The following INCENP variants were observed in gnomAD, a reference collection of about 807,000 sequenced individuals.
The protein encoded by INCENP is binds and activates aurora-B and -C in vivo and in vitro.
Under a neutral mutation model 107.3 loss-of-function variants are expected in INCENP, and 43 were observed. The observed-to-expected ratio is 0.40, with a 90% CI of 0.31 to 0.52. The LOEUF is 0.52. Among genes scored for constraint, INCENP ranks in the 20% least tolerant of loss-of-function variants. The pLI, the probability that INCENP is intolerant of heterozygous loss-of-function variation, is 0.53. For missense variants in INCENP, 1,089 were observed against 1,250.9 expected (o/e 0.87, Z 1.95); for synonymous variants, 488 against 494.4 (o/e 0.99, Z 0.17).
rs1226470646 is a variant in INCENP, at chr11:62,152,100, G to T, written c.*124G>T. ...GCCATTGTGGAGGGCTTGGCCAGGT[G>T]TATATAAACGTCCTCTGTGCTGGGT... On this transcript the variant is annotated 3_prime_UTR_variant, in exon 19 of 19. Transcript: ENST00000394818. The T allele has an allele frequency of 8.9e-6, 4 of 451,150 alleles. No homozygotes were observed. In the East Asian group the frequency reaches 2.2e-4, roughly 25 times the overall value. 27.9% of individuals were successfully genotyped at this position (451,150 alleles called of 1,614,324 possible).
chr11:62,145,755 C>G lies in INCENP; in HGVS notation c.1959+4C>G, dbSNP rs777832125. The G allele has an allele frequency of 5.9e-5, 92 of 1,550,730 alleles. No homozygotes were observed. The highest frequency in any genetic ancestry group is 7.9e-5 in the Non-Finnish European group (91 of 1,147,184). Reference sequence around the variant, plus strand: ...TAGGCTCAGGTGGCTGCAGCAGGTGCGAGCACAGGTGGGCCTCAGGGAGGA... The same window carrying G: ...TAGGCTCAGGTGGCTGCAGCAGGTGGGAGCACAGGTGGGCCTCAGGGAGGA... On this transcript the variant is annotated splice_donor_region_variant and intron_variant, in intron 14 of 18. Transcript: ENST00000394818.
intron 11 of INCENP, 100 bp downstream of exon 11, chr11:62,141,611 C>T: frequency 6.9e-7 from 1 of 1,454,272 alleles, no homozygotes; most frequent in East Asian, 2.3e-5. Flanking sequence ...GATGCACTAA[C>T]ATTGTAAGCG....
At chr11:62,135,339 C>T (rs995980997) in intron 4 of INCENP, among the ~76,000 whole-genome samples, 8 of 152,084 alleles carry the variant, frequency 5.3e-5, no homozygotes, top group Admixed American at 2.0e-4. Flanking sequence ...GCGATCTCAG[C>T]TCACTGCAAC....
In INCENP at chr11:62,148,831, G is replaced by T. The variant is rs1565103248; in HGVS notation, c.2376G>T (p.Val792=). The change falls in exon 17 of 19, where the codon GTG becomes GTT. Residue 792 remains valine, a synonymous_variant. Transcript: ENST00000394818. Reference sequence around the variant, plus strand: ...CAGGGGCCAGCAAGGCCCTGAATGTGACTGTGGACGTGCAGGTGCCACCTG... The same window carrying T: ...CAGGGGCCAGCAAGGCCCTGAATGTTACTGTGGACGTGCAGGTGCCACCTG... The part of the protein sequence containing the change: ...EAAGASKALN[V]TVDVQSPACT... The T allele has an allele frequency of 2.5e-6, 4 of 1,606,470 alleles. No homozygotes were observed. The South Asian group carries it at 3.3e-5, about 13-fold the overall frequency.
At chr11:62,135,418 C>T (rs1201649942) in intron 4 of INCENP, among the ~76,000 whole-genome samples, 3 of 152,018 alleles carry the variant, frequency 2.0e-5, no homozygotes, top group African/African-American at 4.8e-5. Context: ...AGGTGCCCAC[C>T]GACGCCCGGA....
At chr11:62,127,904 G>T (rs1391553611) in intron 1 of INCENP, among the ~76,000 whole-genome samples, 2 of 152,176 alleles carry the variant, frequency 1.3e-5, no homozygotes, top group Non-Finnish European at 2.9e-5. Flanking sequence ...CATGCTGGCG[G>T]GGGGGTGGGG....
intron 11 of INCENP, among the ~76,000 whole-genome samples, chr11:62,143,301 G>A (rs886604643): frequency 1.3e-5 from 2 of 152,130 alleles, no homozygotes; most frequent in African/African-American, 4.8e-5. Context: ...ACAAAAATGG[G>A]ATTTCTGCCT....
At chr11:62,126,859 A>G (rs1943761808) in intron 1 of INCENP, among the ~76,000 whole-genome samples, 1 of 152,188 alleles carries the variant, frequency 6.6e-6, no homozygotes, top group Non-Finnish European at 1.5e-5. Flanking sequence ...GTTATACTGT[A>G]TTATTAGGGA....
intron 4 of INCENP, among the ~76,000 whole-genome samples, chr11:62,131,381 C>T (rs1943890252): frequency 6.6e-6 from 1 of 152,178 alleles, no homozygotes; most frequent in African/African-American, 2.4e-5. Flanking sequence ...AGGAAGGACT[C>T]GGTAATGTTA....
chr11:62,130,079 C>T lies in INCENP; in HGVS notation c.552C>T (p.Thr184=). Residue 184 remains threonine, a synonymous_variant, in exon 4 of 19, where the codon ACC becomes ACT. Coordinates refer to ENST00000394818, the MANE Select transcript of INCENP (RefSeq NM_001040694.2). The part of the protein sequence containing the change: ...SERQNAEQHV[T]QLMSTEPLPR... ...GCCAGAATGCTGAGCAGCATGTCAC[C>T]CAGCTCATGTCCACCGAGCCTCTGC... is the stretch of plus-strand genomic sequence containing the variant. 2.5e-6 allele frequency: 4 copies of T among 1,613,642 alleles called. No homozygotes were observed. Among genetic ancestry groups the T allele is most frequent in the Non-Finnish European group, 3.4e-6 (4 of 1,180,018 alleles).
At position 62,144,977 on chromosome 11, in the gene INCENP, C is replaced by G. The variant is rs1156658276; in HGVS notation, c.1606-5C>G. On this transcript the variant is annotated splice_region_variant and splice_polypyrimidine_tract_variant and intron_variant, in intron 11 of 18. Transcript: ENST00000394818. Reference sequence around the variant, plus strand: ...TCCCATCTCCCTCGCTCCCCGCCACCCCAGGAGAAGGAGCGGCAGCGCCTG... The same window carrying G: ...TCCCATCTCCCTCGCTCCCCGCCACGCCAGGAGAAGGAGCGGCAGCGCCTG... 1 of 1,592,656 alleles carries G rather than the reference C, an allele frequency of 6.3e-7. No homozygotes were observed. Among genetic ancestry groups the G allele is most frequent in the Admixed American group, 1.9e-5 (1 of 53,928 alleles).
chr11:62,143,330 T>C (rs190233522), intron 11 of INCENP, among the ~76,000 whole-genome samples: 1 of 152,240 alleles, frequency 6.6e-6, no homozygotes, highest in East Asian at 1.9e-4. Flanking sequence ...CATTAGATAC[T>C]CCCTTTCTGC....
chr11:62,136,679 C>CA (rs1473003615), intron 4 of INCENP, among the ~76,000 whole-genome samples: 1 of 151,062 alleles, frequency 6.6e-6, no homozygotes, highest in Middle Eastern at 3.2e-3. Context: ...GAGTCTGTCT[C>CA]AAAAAAAGAA....
rs147423951 is a variant in INCENP at position 62,124,623 on chromosome 11, G to A, written c.-12+460G>A. Among the ~76,000 whole-genome samples, 700 of 152,290 alleles carry A rather than the reference G, an allele frequency of 4.6e-3. 1 individual carries two copies. Among genetic ancestry groups the A allele is most frequent in the Middle Eastern group, 0.017 (5 of 294 alleles). ...CCCTTGTCACTCCCCAAGCCTGTTCGCTGTCAGCGGTTCAGTCTCATTCAG... is the reference window on the plus strand; with the variant it reads ...CCCTTGTCACTCCCCAAGCCTGTTCACTGTCAGCGGTTCAGTCTCATTCAG... On this transcript the variant is annotated intron_variant, in intron 1 of 18. Transcript: ENST00000394818.
chr11:62,148,548 G>A lies in INCENP; in HGVS notation c.2277G>A (p.Lys759=). ...EQLQRELEEK[K]KKEEQQRLAE... is the part of the protein sequence containing the mutation. ...TGCAGAGGGAACTGGAGGAGAAGAA[G>A]AAGAAGGTGAGGGGAGCTGGGTTGC... Residue 759 remains lysine, a synonymous_variant, in exon 16 of 19, where the codon AAG becomes AAA. Transcript: ENST00000394818. The A allele has an allele frequency of 6.2e-7, 1 of 1,606,164 alleles. No individual in the cohort carries two copies. The highest frequency in any genetic ancestry group is 1.3e-5 in the African/African-American group (1 of 74,974).
At chr11:62,143,926 G>A (rs1944178354) in intron 11 of INCENP, among the ~76,000 whole-genome samples, 1 of 152,230 alleles carries the variant, frequency 6.6e-6, no homozygotes, top group Admixed American at 6.5e-5. Context: ...ATCCCTGCTG[G>A]CTGCCCATTG....
At chr11:62,140,371 GT>G in intron 8 of INCENP, 86 bp downstream of exon 8, 1 of 1,180,642 alleles carries the variant, frequency 8.5e-7, no homozygotes, top group South Asian at 1.2e-5. Flanking sequence ...AGGTGGATGT[GT>G]GCTCAGGGGC....
chr11:62,138,127 G>A (rs1358092141), intron 5 of INCENP, among the ~76,000 whole-genome samples: 1 of 152,204 alleles, frequency 6.6e-6, no homozygotes, highest in Non-Finnish European at 1.5e-5. Context: ...TGGGGCGTGG[G>A]CTCCAGAGGT....
chr11:62,150,205 G>A lies in INCENP; in HGVS notation c.2540G>A (p.Arg847Gln), dbSNP rs780988487. The change falls in exon 18 of 19, where the codon CGA becomes CAA. Residue 847 changes from arginine (R) to glutamine (Q), a missense_variant and splice_region_variant. By Grantham distance (43) the Arg-to-Gln change is conservative. Coordinates refer to ENST00000394818, the MANE Select transcript of INCENP (RefSeq NM_001040694.2). Reference sequence around the variant, plus strand: ...CGGAAGCCCATCCCCACCTGGGCCCGAGGTAAGCAAAGCCCACAGCTCCCT... The same window carrying A: ...CGGAAGCCCATCCCCACCTGGGCCCAAGGTAAGCAAAGCCCACAGCTCCCT... Reference protein sequence around the residue: ...HPRKPIPTWARGTPLSQAIIH... With the variant: ...HPRKPIPTWAQGTPLSQAIIH... The A allele has an allele frequency of 8.1e-5, 130 of 1,613,706 alleles. No homozygotes were observed. Among genetic ancestry groups the A allele is most frequent in the East Asian group, 1.1e-4 (5 of 44,874 alleles).
Sources: gnomAD v4.1 joint callset for allele counts (sites outside exome capture counted in the v4.1 genomes callset) on GRCh38, gnomAD v4.1.1 for gene constraint, MANE v1.5 for transcripts, NCBI Gene and HGNC (gene_info 2026-07-23, HGNC 2026-07-21) for gene names.